The following CMC2 variants were observed in gnomAD, a reference collection of about 807,000 sequenced individuals.
CMC2 encodes the protein COX assembly mitochondrial protein 2 homolog.
In CMC2, 5 loss-of-function variants were observed where a neutral mutation model predicts 7.5. That is an observed-to-expected ratio of 0.66 (90% CI 0.35 to 1.40). The LOEUF (loss-of-function observed/expected upper bound fraction) is 1.40. Among genes scored for constraint, CMC2 ranks in the 40% most tolerant of loss-of-function variants. CMC2 has a pLI of 0.04. For synonymous variants in CMC2, 37 were observed against 31.4 expected, an observed-to-expected ratio of 1.18 and a Z score of -0.60; for missense variants, 115 against 92.3, an observed-to-expected ratio of 1.25 and a Z score of -1.01.
intron 1 of CMC2, chr16:80,998,215 G>C (rs1968580548): frequency 6.6e-6 from 1 of 151,342 alleles, no homozygotes; most frequent in African/African-American, 2.4e-5. Context: ...ACAGGCATGA[G>C]CTACCGTGCC....
intron 1 of CMC2, 31 bp downstream of exon 1, chr16:81,006,703 G>A: frequency 1.0e-6 from 1 of 985,342 alleles, no homozygotes; most frequent in Non-Finnish European, 1.2e-6. Context: ...AACGGAACGC[G>A]TTCGGAACGG....
intron 3 of CMC2, chr16:80,981,010 C>T (rs112803874): frequency 0.031 from 11,406 of 371,194 alleles, 194 homozygotes; most frequent in Middle Eastern, 0.051. Context: ...ACAGCCTAAG[C>T]AGAAAACAAA....
chr16:80,995,110 C>A (rs1189311333), intron 2 of CMC2, among the ~76,000 whole-genome samples: 1 of 152,124 alleles, frequency 6.6e-6, no homozygotes, highest in African/African-American at 2.4e-5. Context: ...TGGGCCCCTG[C>A]ACTCCAGCCT....
At chr16:80,989,187 C>T (rs1967781141) in intron 2 of CMC2, among the ~76,000 whole-genome samples, 1 of 152,170 alleles carries the variant, frequency 6.6e-6, no homozygotes, top group African/African-American at 2.4e-5. Context: ...CAATTATTTC[C>T]TCAAACTTTT....
Position 80,992,721 on chromosome 16 carries a change from T to TGTG in CMC2, c.81+4592_81+4593insCAC, listed in dbSNP as rs1555516117. The stretch of plus-strand genomic sequence containing the variant: ...TTCCCCCTCCTTTTTTTTTTTTTTT[T>TGTG]TGTGTAAAGACAGGGTCTCACTTTG... On this transcript the variant is annotated intron_variant, in intron 2 of 3. Transcript: ENST00000219400. 6.5e-5 allele frequency among the ~76,000 whole-genome samples: 9 copies of TGTG among 138,806 alleles called. No individual in the cohort carries two copies. In the South Asian group the frequency reaches 9.2e-4, roughly 14 times the overall value. The allele number at this position is 138,806 out of a possible 152,430, so 91.1% of individuals were successfully genotyped here.
chr16:80,986,469 A>AAG (rs1255715716), intron 2 of CMC2, among the ~76,000 whole-genome samples: 1 of 151,820 alleles, frequency 6.6e-6, no homozygotes. Flanking sequence ...GAAAAAAAAA[A>AAG]AGGTAACAAT....
In CMC2 at chr16:80,968,263, TCTTA is replaced by T. The variant is rs1279742001; in HGVS notation, c.*7826_*7829del. ...TATTTTTATTTTTGTAGAGACAGGG[TCTTA>T]CTATGTTGCCCAAGCTGGTCTTGAA... is the stretch of plus-strand genomic sequence containing the variant. On this transcript the variant is annotated 3_prime_UTR_variant, in exon 4 of 4. Coordinates refer to ENST00000219400, the MANE Select transcript of CMC2 (RefSeq NM_020188.5). 1 of 152,176 alleles carries T rather than the reference TCTTA, an allele frequency of 6.6e-6. No individual in the cohort carries two copies. Among genetic ancestry groups the T allele is most frequent in the Non-Finnish European group, 1.5e-5 (1 of 68,078 alleles). 9.4% of individuals were successfully genotyped at this position (152,176 alleles called of 1,614,324 possible).
At chr16:80,978,681 CA>C (rs1391511950) in intron 3 of CMC2, among the ~76,000 whole-genome samples, 1 of 147,188 alleles carries the variant, frequency 6.8e-6, no homozygotes, top group Non-Finnish European at 1.5e-5. Context: ...CCACCCTGGG[CA>C]ACACAACAAG....
intron 3 of CMC2, among the ~76,000 whole-genome samples, chr16:80,978,064 C>T (rs969227940): frequency 4.5e-5 from 5 of 112,324 alleles, no homozygotes; most frequent in Admixed American, 4.0e-4. Context: ...AAGAGTGAGA[C>T]TTCGTCTCAA....
Position 80,993,258 on chromosome 16 carries a change from G to T in CMC2, c.81+4056C>A, listed in dbSNP as rs1235483869. 1.3e-5 allele frequency among the ~76,000 whole-genome samples: 2 copies of T among 152,074 alleles called. 1 individual carries two copies. The highest frequency in any genetic ancestry group is 2.9e-5 in the Non-Finnish European group (2 of 67,994). On this transcript the variant is annotated intron_variant, in intron 2 of 3. Transcript: ENST00000219400. ...AACAGACTACAGGACTGTGATAACT[G>T]AAAGAAAAAAACAAAACAAAGTGAA... is the stretch of plus-strand genomic sequence containing the variant.
At chr16:80,984,851 T>C (rs1040077119) in intron 2 of CMC2, among the ~76,000 whole-genome samples, 1 of 152,242 alleles carries the variant, frequency 6.6e-6, no homozygotes, top group African/African-American at 2.4e-5. Context: ...ATGAGAATTA[T>C]ACTCTTGTGA....
chr16:80,975,828 A>G lies in CMC2; in HGVS notation c.*265T>C, dbSNP rs957285329. The G allele has an allele frequency of 1.8e-5, 5 of 274,802 alleles. No homozygotes were observed. Among genetic ancestry groups the G allele is most frequent in the Non-Finnish European group, 2.7e-5 (4 of 148,866 alleles). The allele number at this position is 274,802 out of a possible 1,614,324, so 17.0% of individuals were successfully genotyped here. On this transcript the variant is annotated 3_prime_UTR_variant, in exon 4 of 4. Coordinates refer to ENST00000219400, the MANE Select transcript of CMC2 (RefSeq NM_020188.5). ...TATTTAAATTATTTTATTGAAGGAG[A>G]TAAGTTACTCAGATATTAACTGGTT...
intron 1 of CMC2, among the ~76,000 whole-genome samples, chr16:81,002,125 A>T (rs1968910883): frequency 6.6e-6 from 1 of 152,158 alleles, no homozygotes; most frequent in Admixed American, 6.5e-5. Flanking sequence ...TTTCCTAAAG[A>T]AAACATACAC....
At chr16:80,978,968 T>C (rs112408957) in intron 3 of CMC2, among the ~76,000 whole-genome samples, 1,626 of 151,988 alleles carry the variant, frequency 0.011, 24 homozygotes, top group African/African-American at 0.037. Flanking sequence ...GTAGTCCCAG[T>C]TACTCAGGAG....
chr16:80,979,280 A>C (rs1273234827), intron 3 of CMC2, among the ~76,000 whole-genome samples: 1 of 152,176 alleles, frequency 6.6e-6, no homozygotes. Context: ...TTAGAGAATA[A>C]AGTAACATAA....
chr16:80,986,084 A>T (rs1216069502), intron 2 of CMC2, among the ~76,000 whole-genome samples: 1 of 152,194 alleles, frequency 6.6e-6, no homozygotes, highest in Non-Finnish European at 1.5e-5. Flanking sequence ...GCGGTGGCTC[A>T]TGCCTGTAAT....
At chr16:80,987,595 A>T (rs1435341872) in intron 2 of CMC2, among the ~76,000 whole-genome samples, 1 of 152,212 alleles carries the variant, frequency 6.6e-6, no homozygotes, top group African/African-American at 2.4e-5. Flanking sequence ...AGGCCAGTAG[A>T]TCAGAAGCCA....
At chr16:80,985,912 A>AAAAAAT (rs1360423614) in intron 2 of CMC2, among the ~76,000 whole-genome samples, 1 of 151,676 alleles carries the variant, frequency 6.6e-6, no homozygotes, top group Non-Finnish European at 1.5e-5. Context: ...AAAAAAAAAA[A>AAAAAAT]AAAAAACCAC....
intron 3 of CMC2, among the ~76,000 whole-genome samples, chr16:80,977,465 C>A (rs189871806): frequency 6.6e-6 from 1 of 152,110 alleles, no homozygotes; most frequent in Non-Finnish European, 1.5e-5. Context: ...TAAATTCAAA[C>A]AGAAAAAACT....
Sources: allele counts gnomAD v4.1 joint callset (sites outside exome capture counted in the v4.1 genomes callset), GRCh38; gene constraint gnomAD v4.1.1; transcripts MANE v1.5; gene names NCBI Gene and HGNC (gene_info 2026-07-23, HGNC 2026-07-21).